The following SLC35E3 variants were observed in gnomAD, a reference collection of about 807,000 sequenced individuals.
SLC35E3 encodes solute carrier family 35 member E3, also known as bladder cancer-overexpressed gene 1 protein.
Under a neutral mutation model 30.8 loss-of-function variants are expected in SLC35E3, and 28 were observed. The observed-to-expected ratio is 0.91, with a 90% CI of 0.67 to 1.25. The LOEUF (loss-of-function observed/expected upper bound fraction) is 1.25, where lower values mean the gene tolerates loss of function less well. SLC35E3 is among the 50% of genes most tolerant of loss of function. The pLI is 0.00. For synonymous variants in SLC35E3, 146 were observed against 149.2 expected (o/e 0.98, Z 0.16); for missense variants, 365 against 375.4 (o/e 0.97, Z 0.23).
rs1252527232 is a variant in SLC35E3 at position 68,768,715 on chromosome 12, G to A, written c.*3825G>A. The A allele has an allele frequency of 6.6e-6, 1 of 152,144 alleles. No individual in the cohort carries two copies. The highest frequency in any genetic ancestry group is 1.5e-5 in the Non-Finnish European group (1 of 68,028). The allele number at this position is 152,144 out of a possible 1,614,324, so 9.4% of individuals were successfully genotyped here. ...ATATGAGAGCTGATGGAAGAAGGAT[G>A]GCATCTGTGTAACATATGCATGGTA... On this transcript the variant is annotated 3_prime_UTR_variant, in exon 5 of 5. Transcript: ENST00000398004.
rs1879518507 is a variant in SLC35E3, at chr12:68,768,562, A to G, written c.*3672A>G. 1 of 152,258 alleles carries G rather than the reference A, an allele frequency of 6.6e-6. No homozygotes were observed. Among genetic ancestry groups the G allele is most frequent in the African/African-American group, 2.4e-5 (1 of 41,474 alleles). 9.4% of individuals were successfully genotyped at this position (152,258 alleles called of 1,614,324 possible). A position where few individuals can be genotyped will look rare whatever the true frequency, so the allele number is the denominator to read the frequency against. On this transcript the variant is annotated 3_prime_UTR_variant, in exon 5 of 5. Transcript: ENST00000398004. ...GAGACAAACCAGATACAGTGCTTTCAAAGAAAACATGCTTGCTGTCCTTTG... is the reference window on the plus strand; with the variant it reads ...GAGACAAACCAGATACAGTGCTTTCGAAGAAAACATGCTTGCTGTCCTTTG...
At chr12:68,758,803 G>A (rs1418620073) in intron 3 of SLC35E3, among the ~76,000 whole-genome samples, 7 of 127,856 alleles carry the variant, frequency 5.5e-5, no homozygotes, top group East Asian at 5.0e-4. Flanking sequence ...GTGCAGTGGC[G>A]TGATCTCGGC....
At position 68,759,135 on chromosome 12, in the gene SLC35E3, G is replaced by A. The variant is rs1174836783; in HGVS notation, c.673-22G>A. The A allele has an allele frequency of 5.2e-6, 8 of 1,536,428 alleles. No individual in the cohort carries two copies. The African/African-American group carries it at 1.1e-4, about 21-fold the overall frequency. The stretch of plus-strand genomic sequence containing the variant: ...TATGATTGCAGTGCTTTGCATTAAT[G>A]GTTCTTTTGGTTTATTTGTAGCTTA... On this transcript the variant is annotated intron_variant, in intron 3 of 4. Coordinates refer to ENST00000398004, the MANE Select transcript of SLC35E3 (RefSeq NM_018656.5).
Position 68,771,054 on chromosome 12 carries a change from A to T in SLC35E3, c.*6164A>T, listed in dbSNP as rs1879589380. 2 of 152,324 alleles carry T rather than the reference A, an allele frequency of 1.3e-5. No homozygotes were observed. The highest frequency in any genetic ancestry group is 1.3e-4 in the Admixed American group (2 of 15,266). The allele number at this position is 152,324 out of a possible 1,614,324, so 9.4% of individuals were successfully genotyped here. A position where few individuals can be genotyped will look rare whatever the true frequency, so the allele number is the denominator to read the frequency against. On this transcript the variant is annotated 3_prime_UTR_variant, in exon 5 of 5. Coordinates refer to ENST00000398004, the MANE Select transcript of SLC35E3 (RefSeq NM_018656.5). ...TTTGGGAAGCTGAGGCAGTCAGATC[A>T]CTTCAGATCAGGAGTTTGAGACCAG...
rs1001831866 is a variant in SLC35E3 at position 68,777,237 on chromosome 12, C to T, written c.*12347C>T. On this transcript the variant is annotated 3_prime_UTR_variant, in exon 5 of 5. Transcript: ENST00000398004. ...CCATAGGACCATGGACATTGGTGAGCAACTGTGTGCTGGGAGGAAATGGCT... is the reference window on the plus strand; with the variant it reads ...CCATAGGACCATGGACATTGGTGAGTAACTGTGTGCTGGGAGGAAATGGCT... 1.8e-4 allele frequency: 27 copies of T among 152,264 alleles called. No homozygotes were observed. The highest frequency in any genetic ancestry group is 6.3e-4 in the African/African-American group (26 of 41,548). 9.4% of individuals were successfully genotyped at this position (152,264 alleles called of 1,614,324 possible).
intron 3 of SLC35E3, among the ~76,000 whole-genome samples, chr12:68,758,744 T>C (rs1879126093): frequency 1.7e-5 from 2 of 118,676 alleles, no homozygotes; most frequent in Middle Eastern, 3.4e-3. Context: ...TTTTTTTTTT[T>C]TTTTTTTTTT....
rs2136089161 is a variant in SLC35E3 at position 68,778,159 on chromosome 12, A to G, written c.*13269A>G. ...GGGTGCGGGGATTTTGGGTAGTAAT[A>G]TCAATAGCAGACAAAATAGAATTTG... is the stretch of plus-strand genomic sequence containing the variant. On this transcript the variant is annotated 3_prime_UTR_variant, in exon 5 of 5. Transcript: ENST00000398004. The G allele has an allele frequency of 6.6e-6, 1 of 152,298 alleles. No individual in the cohort carries two copies. The highest frequency in any genetic ancestry group is 2.1e-4 in the South Asian group (1 of 4,822). The allele number at this position is 152,298 out of a possible 1,614,324, so 9.4% of individuals were successfully genotyped here.
At chr12:68,746,848 G>T (rs758075635) in intron 1 of SLC35E3, 69 bp downstream of exon 1, 25 of 1,437,264 alleles carry the variant, frequency 1.7e-5, no homozygotes, top group Non-Finnish European at 2.3e-5. Context: ...CGGGAAATTC[G>T]AACGCACACT....
At chr12:68,755,946 C>T (rs957356702) in intron 3 of SLC35E3, among the ~76,000 whole-genome samples, 48 of 151,938 alleles carry the variant, frequency 3.2e-4, no homozygotes, top group African/African-American at 1.2e-3. Context: ...ATGAGGAAAC[C>T]GAGAGATAAA....
At position 68,746,254 on chromosome 12, in the gene SLC35E3, A is replaced by G; in HGVS notation, c.-124A>G. On this transcript the variant is annotated 5_prime_UTR_variant, in exon 1 of 5. The change abolishes an upstream ATG in the 5' untranslated region. Coordinates refer to ENST00000398004, the MANE Select transcript of SLC35E3 (RefSeq NM_018656.5). ...CTACTCGCCCGGGGTTGATCTGTGC[A>G]TGCCACTCCTGGGTCAGACGGTGAG... The G allele has an allele frequency of 1.1e-6, 1 of 906,708 alleles. No homozygotes were observed. 56.2% of individuals were successfully genotyped at this position (906,708 alleles called of 1,614,324 possible).
rs780351440 is a variant in SLC35E3, at chr12:68,746,519, C to G, written c.142C>G (p.Leu48Val). ...CGGCTTCCCCAACATGAGCCTGACC[C>G]TGGTGCACTTCGTGGTCACCTGGCT... ...YHGFPNMSLTLVHFVVTWLGL... is the reference protein window; with the variant it reads ...YHGFPNMSLTVVHFVVTWLGL... The change falls in exon 1 of 5, where the codon CTG becomes GTG. Residue 48 changes from leucine to valine, a missense_variant. Physicochemically the swap from Leu to Val is conservative, Grantham distance 32. Coordinates refer to ENST00000398004, the MANE Select transcript of SLC35E3 (RefSeq NM_018656.5). The G allele has an allele frequency of 3.7e-6, 6 of 1,614,144 alleles. No homozygotes were observed. The African/African-American group carries it at 6.7e-5, about 18-fold the overall frequency.
intron 1 of SLC35E3, 150 bp downstream of exon 1, chr12:68,746,929 G>A: frequency 2.3e-6 from 2 of 885,540 alleles, no homozygotes; most frequent in South Asian, 3.8e-5. Context: ...GCTTATTTTA[G>A]GGAGGGGGAA....
Position 68,778,208 on chromosome 12 carries a change from A to G in SLC35E3, c.*13318A>G, listed in dbSNP as rs1337088010. 6.6e-6 allele frequency: 1 copy of G among 152,148 alleles called. No homozygotes were observed. The highest frequency in any genetic ancestry group is 6.5e-5 in the Admixed American group (1 of 15,268). The allele number at this position is 152,148 out of a possible 1,614,324, so 9.4% of individuals were successfully genotyped here. A position where few individuals can be genotyped will look rare whatever the true frequency, so the allele number is the denominator to read the frequency against. On this transcript the variant is annotated 3_prime_UTR_variant, in exon 5 of 5. Transcript: ENST00000398004. ...TGAGGCAAAAAGTGTTAATAGGATC[A>G]AGATTTTTTTTTTTAAAGAACAATC... is the stretch of plus-strand genomic sequence containing the variant.
intron 4 of SLC35E3, among the ~76,000 whole-genome samples, chr12:68,761,612 C>T (rs998847757): frequency 1.3e-5 from 2 of 152,080 alleles, no homozygotes; most frequent in African/African-American, 4.8e-5. Flanking sequence ...CCAAAAATGC[C>T]TCCAAAGATT....
rs1480379007 is a variant in SLC35E3 at position 68,748,041 on chromosome 12, G to T, written c.513+1G>T. The stretch of plus-strand genomic sequence containing the variant: ...TTTAGTTACATCCCTTTATCAAGTG[G>T]TTGGTAATTTTTTTTTCTTTATGTG... On this transcript the variant is annotated splice_donor_variant, in intron 2 of 4. Coordinates refer to ENST00000398004, the MANE Select transcript of SLC35E3 (RefSeq NM_018656.5). LOFTEE classifies it high-confidence loss of function. 1.3e-6 allele frequency: 2 copies of T among 1,572,674 alleles called. No homozygotes were observed. The highest frequency in any genetic ancestry group is 1.8e-5 in the Admixed American group (1 of 56,950).
At chr12:68,747,449 A>G (rs1878633896) in intron 1 of SLC35E3, among the ~76,000 whole-genome samples, 1 of 152,034 alleles carries the variant, frequency 6.6e-6, no homozygotes, top group Non-Finnish European at 1.5e-5. Flanking sequence ...TTGTATTTTT[A>G]GTAAAGACGG....
Position 68,746,297 on chromosome 12 carries a change from C to G in SLC35E3, c.-81C>G. On this transcript the variant is annotated 5_prime_UTR_variant, in exon 1 of 5. Transcript: ENST00000398004. ...ACGGTGAGGTCGGCGTCTGCGAGGA[C>G]GCGGCGGTGGAGTAGAAGGGCAGCC... The G allele has an allele frequency of 7.1e-7, 1 of 1,398,642 alleles. No homozygotes were observed. Among genetic ancestry groups the G allele is most frequent in the Non-Finnish European group, 9.6e-7 (1 of 1,041,430 alleles). The allele number at this position is 1,398,642 out of a possible 1,614,324, so 86.6% of individuals were successfully genotyped here. A position where few individuals can be genotyped will look rare whatever the true frequency, so the allele number is the denominator to read the frequency against.
At position 68,748,046 on chromosome 12, in the gene SLC35E3, T is replaced by G; in HGVS notation, c.513+6T>G. ...TTACATCCCTTTATCAAGTGGTTGG[T>G]AATTTTTTTTTCTTTATGTGCCTTT... On this transcript the variant is annotated splice_donor_region_variant and intron_variant, in intron 2 of 4. Transcript: ENST00000398004. 7.1e-6 allele frequency: 11 copies of G among 1,539,640 alleles called. No individual in the cohort carries two copies. Among genetic ancestry groups the G allele is most frequent in the Non-Finnish European group, 9.8e-6 (11 of 1,119,922 alleles).
rs1450116933 is a variant in SLC35E3, at chr12:68,775,639, T to C, written c.*10749T>C. 1.3e-5 allele frequency: 2 copies of C among 152,126 alleles called. No individual in the cohort carries two copies. Among genetic ancestry groups the C allele is most frequent in the East Asian group, 3.9e-4 (2 of 5,186 alleles). 9.4% of individuals were successfully genotyped at this position (152,126 alleles called of 1,614,324 possible). A position where few individuals can be genotyped will look rare whatever the true frequency, so the allele number is the denominator to read the frequency against. ...TTTTGGAGGAGACAAATATTCAAAC[T>C]ACAGCACTGGTTAAAAATAAAAATA... On this transcript the variant is annotated 3_prime_UTR_variant, in exon 5 of 5. Coordinates refer to ENST00000398004, the MANE Select transcript of SLC35E3 (RefSeq NM_018656.5).
Sources: gnomAD v4.1 joint callset for allele counts (sites outside exome capture counted in the v4.1 genomes callset) on GRCh38, gnomAD v4.1.1 for gene constraint, MANE v1.5 for transcripts, NCBI Gene and HGNC (gene_info 2026-07-23, HGNC 2026-07-21) for gene names.